SNX24: variants seen among roughly 807,000 people sequenced by gnomAD.
The protein encoded by SNX24 is sorting nexin 24, also known as sorting nexin-24.
In SNX24, 22 loss-of-function variants were observed where a neutral mutation model predicts 28.7. The ratio of observed to expected loss-of-function variants is 0.77; its 90% CI spans 0.55 to 1.10. The LOEUF is 1.10. SNX24 is among the 50% of genes least tolerant of loss of function. SNX24 has a pLI of 0.00. For synonymous variants in SNX24, 69 were observed against 71.5 expected (o/e 0.96, Z 0.18); for missense variants, 221 against 201.1 (o/e 1.10, Z -0.60).
chr5:122,876,862 C>T (rs2150056833), intron 1 of SNX24, among the ~76,000 whole-genome samples: 1 of 152,106 alleles, frequency 6.6e-6, no homozygotes, highest in East Asian at 1.9e-4. Flanking sequence ...AGGGCTTTGT[C>T]AAGGAACGCA....
intron 5 of SNX24, among the ~76,000 whole-genome samples, chr5:123,021,018 A>G (rs1762753927): frequency 6.6e-6 from 1 of 152,022 alleles, no homozygotes; most frequent in South Asian, 2.1e-4. Context: ...TGCTCTGTTC[A>G]TCTGGCCCCT....
At chr5:122,938,155 G>A (rs1355108720) in intron 2 of SNX24, among the ~76,000 whole-genome samples, 3 of 152,130 alleles carry the variant, frequency 2.0e-5, no homozygotes, top group African/African-American at 7.2e-5. Context: ...GCACAGCTGG[G>A]TGACTGCCAA....
intron 1 of SNX24, among the ~76,000 whole-genome samples, chr5:122,915,605 A>G (rs558243445): frequency 6.6e-6 from 1 of 152,308 alleles, no homozygotes; most frequent in South Asian, 2.1e-4. Flanking sequence ...TAGCCCGGGT[A>G]ACAAAGCAAG....
intron 1 of SNX24, among the ~76,000 whole-genome samples, chr5:122,889,866 G>A (rs897626648): frequency 1.3e-5 from 2 of 150,214 alleles, no homozygotes; most frequent in Non-Finnish European, 3.0e-5. Context: ...ACAGTATTTT[G>A]TAGTCTGTAT....
At chr5:122,974,143 C>A (rs1272773591) in intron 3 of SNX24, among the ~76,000 whole-genome samples, 2 of 152,200 alleles carry the variant, frequency 1.3e-5, no homozygotes, top group Non-Finnish European at 2.9e-5. Flanking sequence ...AATGCAGCAA[C>A]TTATCCTTCA....
chr5:122,880,157 A>C (rs558816614), intron 1 of SNX24, among the ~76,000 whole-genome samples: 1 of 152,322 alleles, frequency 6.6e-6, no homozygotes, highest in African/African-American at 2.4e-5. Flanking sequence ...AGCAGTGATC[A>C]ATATATTATC....
chr5:122,960,459 T>C (rs755927290), intron 3 of SNX24, among the ~76,000 whole-genome samples: 1 of 152,234 alleles, frequency 6.6e-6, no homozygotes, highest in Non-Finnish European at 1.5e-5. Flanking sequence ...TTTGTGACTG[T>C]AAACTATTTA....
chr5:122,910,682 T>C (rs1392974104), intron 1 of SNX24, among the ~76,000 whole-genome samples: 3 of 139,816 alleles, frequency 2.1e-5, no homozygotes, highest in South Asian at 2.3e-4. Flanking sequence ...TGTGTTCTCA[T>C]TGTTCAATTC....
chr5:122,926,435 G>T (rs1758697737), intron 1 of SNX24, among the ~76,000 whole-genome samples: 1 of 152,174 alleles, frequency 6.6e-6, no homozygotes, highest in Non-Finnish European at 1.5e-5. Context: ...GAGAACTGAG[G>T]CCTGGGTGAA....
At chr5:123,001,473 A>C (rs767855789) in intron 5 of SNX24, 36 bp downstream of exon 5, 1 of 1,467,052 alleles carries the variant, frequency 6.8e-7, no homozygotes, top group Non-Finnish European at 9.5e-7. Context: ...GAATAGGATT[A>C]TGGTTTTGCT....
intron 2 of SNX24, among the ~76,000 whole-genome samples, chr5:122,937,401 A>T (rs1759224324): frequency 6.6e-6 from 1 of 152,224 alleles, no homozygotes; most frequent in African/African-American, 2.4e-5. Flanking sequence ...GTCTTAGATA[A>T]ACGAAACAGA....
intron 3 of SNX24, among the ~76,000 whole-genome samples, chr5:122,961,516 T>C (rs1760487728): frequency 6.6e-6 from 1 of 152,222 alleles, no homozygotes; most frequent in Non-Finnish European, 1.5e-5. Context: ...TTAAATAATA[T>C]TAATGGCTGG....
At chr5:123,019,617 C>G (rs1762734484) in intron 5 of SNX24, among the ~76,000 whole-genome samples, 1 of 152,090 alleles carries the variant, frequency 6.6e-6, no homozygotes, top group South Asian at 2.1e-4. Flanking sequence ...TGTAAGAGAA[C>G]AAAATAAATT....
intron 1 of SNX24, among the ~76,000 whole-genome samples, chr5:122,926,646 G>A (rs190662614): frequency 6.0e-5 from 9 of 149,478 alleles, no homozygotes; most frequent in Admixed American, 1.3e-4. Context: ...TTTAAGAACT[G>A]TTGGGGAAGA....
intron 1 of SNX24, among the ~76,000 whole-genome samples, chr5:122,923,262 C>G (rs1758522787): frequency 6.6e-6 from 1 of 151,512 alleles, no homozygotes; most frequent in Non-Finnish European, 1.5e-5. Context: ...TAGCTTGAGC[C>G]CAGGAGCTCA....
chr5:122,996,565 T>G lies in SNX24; in HGVS notation c.250-3347T>G, dbSNP rs370576231. On this transcript the variant is annotated intron_variant, in intron 3 of 6. Transcript: ENST00000261369. ...CAAACTTCAAAATGGATAAAATAGGTTGTTGGAAATTAATACAACAACAAT... is the reference window on the plus strand; with the variant it reads ...CAAACTTCAAAATGGATAAAATAGGGTGTTGGAAATTAATACAACAACAAT... Among the ~76,000 whole-genome samples, 4 of 152,146 alleles carry G rather than the reference T, an allele frequency of 2.6e-5. No homozygotes were observed. The East Asian group carries it at 7.7e-4, about 29-fold the overall frequency.
At chr5:122,986,819 G>A (rs1477542777) in intron 3 of SNX24, among the ~76,000 whole-genome samples, 1 of 115,998 alleles carries the variant, frequency 8.6e-6, no homozygotes, top group Non-Finnish European at 1.6e-5. Flanking sequence ...ATGGAAAGGT[G>A]AAGAGACAGA....
At chr5:122,966,633 G>A (rs2150143356) in intron 3 of SNX24, among the ~76,000 whole-genome samples, 1 of 152,286 alleles carries the variant, frequency 6.6e-6, no homozygotes, top group South Asian at 2.1e-4. Flanking sequence ...GAATGGAAAA[G>A]CAAGGCCCAG....
intron 3 of SNX24, among the ~76,000 whole-genome samples, chr5:122,966,486 G>GA (rs151031023): frequency 0.012 from 1,816 of 152,278 alleles, 30 homozygotes; most frequent in Middle Eastern, 0.027. Flanking sequence ...GATACATAAA[G>GA]AAAAGAGATG....
Sources: allele counts gnomAD v4.1 joint callset (sites outside exome capture counted in the v4.1 genomes callset), GRCh38; gene constraint gnomAD v4.1.1; transcripts MANE v1.5; gene names NCBI Gene and HGNC (gene_info 2026-07-23, HGNC 2026-07-21).